The following CHM variants were observed in gnomAD, a reference collection of about 807,000 sequenced individuals.
The protein encoded by CHM is CHM Rab escort protein.
CHM carries 10 observed loss-of-function variants against 49.0 expected under a neutral mutation model. That is an observed-to-expected ratio of 0.20 (90% CI 0.13 to 0.35). CHM has a LOEUF of 0.35. CHM is among the 10% of genes least tolerant of loss of function. The pLI is 1.00. For missense variants in CHM, 455 were observed against 478.4 expected, an observed-to-expected ratio of 0.95 and a Z score of 0.46; for synonymous variants, 184 against 167.5, an observed-to-expected ratio of 1.10 and a Z score of -0.76.
intron 1 of CHM, among the ~76,000 whole-genome samples, chrX:86,034,848 T>C (rs1934176971): frequency 9.0e-6 from 1 of 111,627 alleles, no homozygotes; most frequent in African/African-American, 3.3e-5. Context: ...AAAAAACTGT[T>C]ACAGCCCTGA....
chrX:85,964,097 T>G, intron 4 of CHM, 45 bp from the exon 5 acceptor site: 1 of 1,110,127 alleles, frequency 9.0e-7, no homozygotes, highest in Middle Eastern at 2.6e-4. Context: ...ATATATATAT[T>G]CCCTTACCCC....
At chrX:85,896,263 G>A (rs532074154) in intron 11 of CHM, among the ~76,000 whole-genome samples, 1 of 111,339 alleles carries the variant, frequency 9.0e-6, no homozygotes, top group African/African-American at 3.3e-5. Context: ...GTAGAAGGCA[G>A]ATTTGAAGTA....
chrX:85,913,840 C>T (rs1301448192), intron 8 of CHM, among the ~76,000 whole-genome samples: 1 of 110,363 alleles, frequency 9.1e-6, no homozygotes, highest in Non-Finnish European at 1.9e-5. Flanking sequence ...ATAAAAGCTT[C>T]TCCCACCAAG....
At chrX:85,946,209 C>T (rs1929400402) in intron 8 of CHM, among the ~76,000 whole-genome samples, 1 of 112,398 alleles carries the variant, frequency 8.9e-6, no homozygotes, top group African/African-American at 3.2e-5. Context: ...AAGAAAAGCC[C>T]ATTTTTAGGA....
At chrX:85,998,002 T>G (rs934433588) in intron 2 of CHM, among the ~76,000 whole-genome samples, 3 of 110,713 alleles carry the variant, frequency 2.7e-5, no homozygotes, top group African/African-American at 9.9e-5. Flanking sequence ...AGTAGCACAA[T>G]AGAGATTTCA....
At chrX:85,984,698 G>A (rs1385457758) in intron 2 of CHM, among the ~76,000 whole-genome samples, 1 of 111,578 alleles carries the variant, frequency 9.0e-6, no homozygotes. Context: ...AATAATCCAA[G>A]TATCCATCAA....
At chrX:85,982,976 T>C (rs1256086306) in intron 2 of CHM, among the ~76,000 whole-genome samples, 1 of 110,513 alleles carries the variant, frequency 9.0e-6, no homozygotes, top group Non-Finnish European at 1.9e-5. Context: ...TATCATAAAA[T>C]AAAATAATGA....
intron 8 of CHM, among the ~76,000 whole-genome samples, chrX:85,912,892 C>T (rs1927117959): frequency 9.3e-6 from 1 of 107,835 alleles, no homozygotes; most frequent in Admixed American, 1.0e-4. Context: ...GCATGCCTGT[C>T]ATCCCAGCTA....
chrX:85,865,030 C>A (rs1923598266), intron 14 of CHM, among the ~76,000 whole-genome samples: 1 of 111,515 alleles, frequency 9.0e-6, no homozygotes, highest in South Asian at 3.8e-4. Flanking sequence ...GTATTGAGGT[C>A]CACTCTTCAA....
At chrX:86,013,288 A>T (rs1434599381) in intron 2 of CHM, among the ~76,000 whole-genome samples, 1 of 111,680 alleles carries the variant, frequency 9.0e-6, no homozygotes. Context: ...TCTGCAACAC[A>T]GGCTGAGTGG....
chrX:85,951,515 T>C (rs1330832098), intron 8 of CHM, among the ~76,000 whole-genome samples: 1 of 111,629 alleles, frequency 9.0e-6, no homozygotes, highest in Non-Finnish European at 1.9e-5. Context: ...ATGACCTTTA[T>C]GTATCATAAA....
At chrX:85,870,050 T>C (rs1224267919) in intron 14 of CHM, among the ~76,000 whole-genome samples, 1 of 112,084 alleles carries the variant, frequency 8.9e-6, no homozygotes, top group Non-Finnish European at 1.9e-5. Context: ...TGGGTGAGTG[T>C]ACAAGCACTG....
intron 12 of CHM, among the ~76,000 whole-genome samples, chrX:85,885,681 G>A (rs971729886): frequency 1.8e-5 from 2 of 111,005 alleles, no homozygotes; most frequent in Non-Finnish European, 1.9e-5. Context: ...ATCAGTTACA[G>A]TACTTGCCAA....
intron 14 of CHM, 92 bp downstream of exon 14, chrX:85,872,960 G>T: frequency 1.1e-6 from 1 of 902,627 alleles, no homozygotes; most frequent in Non-Finnish European, 1.6e-6. Flanking sequence ...ACTGAGAGAT[G>T]CTTTTCTAGA....
At chrX:85,878,140 C>T (rs1300693261) in intron 13 of CHM, among the ~76,000 whole-genome samples, 1 of 111,846 alleles carries the variant, frequency 8.9e-6, no homozygotes, top group African/African-American at 3.2e-5. Flanking sequence ...GTAGCATATA[C>T]ACTTTTGGGA....
At chrX:86,005,642 C>A (rs945272768) in intron 2 of CHM, among the ~76,000 whole-genome samples, 1 of 112,073 alleles carries the variant, frequency 8.9e-6, no homozygotes, top group Non-Finnish European at 1.9e-5. Context: ...CACCTCTACG[C>A]AAATAAATTA....
intron 1 of CHM, among the ~76,000 whole-genome samples, chrX:86,034,581 GA>G (rs774634251): frequency 1.8e-5 from 2 of 111,340 alleles, no homozygotes; most frequent in Non-Finnish European, 3.8e-5. Context: ...AGAAGTTCGA[GA>G]CTAGCCTGGC....
At chrX:86,013,733 C>CAAAAAAAAAAAGA (rs760548748) in intron 2 of CHM, among the ~76,000 whole-genome samples, 7 of 78,505 alleles carry the variant, frequency 8.9e-5, no homozygotes, top group Admixed American at 1.6e-4. Context: ...GACTTCGTCT[C>CAAAAAAAAAAAGA]AAAAAAAAAA....
intron 8 of CHM, among the ~76,000 whole-genome samples, chrX:85,945,782 G>A (rs1929372423): frequency 9.0e-6 from 1 of 111,148 alleles, no homozygotes; most frequent in African/African-American, 3.3e-5. Context: ...AGAGGACCCA[G>A]AAGAAGATAG....
Sources: allele counts gnomAD v4.1 joint callset (sites outside exome capture counted in the v4.1 genomes callset), GRCh38; gene constraint gnomAD v4.1.1; transcripts MANE v1.5; gene names NCBI Gene and HGNC (gene_info 2026-07-23, HGNC 2026-07-21).